Variants in FHOD1 observed in about 807,000 individuals in gnomAD.
FHOD1 encodes formin homology 2 domain containing 1.
FHOD1 carries 89 observed loss-of-function variants against 111.6 expected under a neutral mutation model. The observed-to-expected ratio is 0.80, with a 90% CI of 0.67 to 0.95. The LOEUF (loss-of-function observed/expected upper bound fraction) is 0.95. Among genes scored for constraint, FHOD1 ranks in the 40% least tolerant of loss-of-function variants. The pLI is 0.00. For synonymous variants in FHOD1, 618 were observed against 639.0 expected (o/e 0.97, Z 0.50); for missense variants, 1,446 against 1,554.2 (o/e 0.93, Z 1.17).
Position 67,236,627 on chromosome 16 carries a change from A to AG in FHOD1, c.1248_1249insC (p.Ser417LeufsTer15). The AG allele has an allele frequency of 6.2e-7, 1 of 1,613,466 alleles. No individual in the cohort carries two copies. Among genetic ancestry groups the AG allele is most frequent in the Non-Finnish European group, 8.5e-7 (1 of 1,179,810 alleles). ...GAGATGGTAGGAAAAAGGTTCACTGAAGCTTGGAGACCGGAGGGAGGGCCC... is the reference window on the plus strand; with the variant it reads ...GAGATGGTAGGAAAAAGGTTCACTGAGAGCTTGGAGACCGGAGGGAGGGCCC... On this transcript the variant is annotated frameshift_variant, in exon 11 of 22. Transcript: ENST00000258201. LOFTEE classifies it high-confidence loss of function.
chr16:67,229,733 C>T lies in FHOD1; in HGVS notation c.3413-15G>A, dbSNP rs1186295368. ...CGTCCTTCTCACTGCAGGGACAGAG[C>T]AGGGTTGGAGGGGGTTGATGGGGTT... On this transcript the variant is annotated splice_polypyrimidine_tract_variant and intron_variant, in intron 21 of 21. Transcript: ENST00000258201. 2 of 1,613,966 alleles carry T rather than the reference C, an allele frequency of 1.2e-6. No individual in the cohort carries two copies. Among genetic ancestry groups the T allele is most frequent in the Non-Finnish European group, 1.7e-6 (2 of 1,179,948 alleles).
chr16:67,232,229 G>A (rs2142266920), intron 13 of FHOD1, 35 bp from the exon 14 acceptor site: 1 of 1,611,042 alleles, frequency 6.2e-7, no homozygotes, highest in East Asian at 2.2e-5. Flanking sequence ...GTAAGACTGA[G>A]GAAGGGGGCC....
rs762143114 is a variant in FHOD1 at position 67,237,428 on chromosome 16, T to A, written c.850-46A>T. 1 of 1,613,252 alleles carries A rather than the reference T, an allele frequency of 6.2e-7. No individual in the cohort carries two copies. The highest frequency in any genetic ancestry group is 1.3e-5 in the African/African-American group (1 of 74,802). ...GGCAAGGCTGAGGTTGGTGGGGAGG[T>A]CAGGAGCCTGAGCATCCCAGAGCTG... On this transcript the variant is annotated intron_variant, in intron 8 of 21. Coordinates refer to ENST00000258201, the MANE Select transcript of FHOD1 (RefSeq NM_013241.3). This position sits in a 1 kb window ranked among gnomAD's most constrained non-coding sequence, Gnocchi z 5.6.
intron 1 of FHOD1, among the ~76,000 whole-genome samples, chr16:67,245,652 C>T (rs2034790242): frequency 6.6e-6 from 1 of 151,744 alleles, no homozygotes; most frequent in Middle Eastern, 3.4e-3. Context: ...GGCTGAGGCA[C>T]GAGAATTGCT....
chr16:67,236,707 C>T lies in FHOD1; in HGVS notation c.1169G>A (p.Gly390Asp). Residue 390 changes from glycine (G) to aspartate (D), a missense_variant, in exon 11 of 22, where the codon GGC (glycine) becomes GAC (aspartate). Gly to Asp is a moderately conservative substitution (Grantham distance 94). This residue lies in a region of FHOD1 where 1,085 missense variants were observed against 1,108.8 expected (regional missense o/e 0.98). Coordinates refer to ENST00000258201, the MANE Select transcript of FHOD1 (RefSeq NM_013241.3). ...GGCGGGGCCGGTGGAAGAGGTGGGGCCTACCGGTGAGGCGGGGCCTGTGGG... is the reference window on the plus strand; with the variant it reads ...GGCGGGGCCGGTGGAAGAGGTGGGGTCTACCGGTGAGGCGGGGCCTGTGGG... ...PGPTGPASPV[G>D]PTSSTGPALL... 2 of 1,573,214 alleles carry T rather than the reference C, an allele frequency of 1.3e-6. No individual in the cohort carries two copies. Among genetic ancestry groups the T allele is most frequent in the Non-Finnish European group, 1.7e-6 (2 of 1,159,858 alleles).
Position 67,229,931 on chromosome 16 carries a change from C to A in FHOD1, c.3274G>T (p.Glu1092Ter), listed in dbSNP as rs748893339. The A allele has an allele frequency of 6.2e-7, 1 of 1,614,208 alleles. No individual in the cohort carries two copies. The highest frequency in any genetic ancestry group is 2.2e-5 in the East Asian group (1 of 44,884). The stretch of plus-strand genomic sequence containing the variant: ...GGTAAACTGGAGCCTGGGGGTTCTT[C>A]TGGGGATGCAGTGGAGGGCCCCACT... ...PTVGPSTASP[E>*]EPPGSSLPSD... The change falls in exon 21 of 22, where the codon GAA (glutamate) becomes TAA (stop). Residue 1092 changes from glutamate (E) to a stop codon, truncating the protein, a stop_gained. Coordinates refer to ENST00000258201, the MANE Select transcript of FHOD1 (RefSeq NM_013241.3). LOFTEE classifies it high-confidence loss of function.
intron 11 of FHOD1, among the ~76,000 whole-genome samples, chr16:67,235,712 C>T (rs1161491130): frequency 6.6e-6 from 1 of 152,130 alleles, no homozygotes; most frequent in Admixed American, 6.5e-5. Flanking sequence ...CCACACAGCA[C>T]CCTAGGTCCC....
chr16:67,232,249 G>GGCTCACGCCTGTAATCCCA, intron 13 of FHOD1, 55 bp from the exon 14 acceptor site: 1 of 1,588,052 alleles, frequency 6.3e-7, no homozygotes, highest in South Asian at 1.1e-5. Flanking sequence ...CTGACGCGGT[G>GGCTCACGCCTGTAATCCCA]GCTCACGCCT....
At chr16:67,246,630 C>T (rs1456226858) in intron 1 of FHOD1, among the ~76,000 whole-genome samples, 1 of 152,206 alleles carries the variant, frequency 6.6e-6, no homozygotes, top group African/African-American at 2.4e-5. Context: ...CAGCCTCCTG[C>T]GCTCTGCGGA....
At chr16:67,240,944 C>T (rs929605886) in intron 1 of FHOD1, among the ~76,000 whole-genome samples, 11 of 152,194 alleles carry the variant, frequency 7.2e-5, no homozygotes, top group African/African-American at 2.4e-4. Context: ...TTGGTCAGCC[C>T]TGCCCTCTTC....
In FHOD1 at chr16:67,237,826, T is replaced by C. The variant is rs1346899486; in HGVS notation, c.643-58A>G. On this transcript the variant is annotated intron_variant, in intron 6 of 21. Transcript: ENST00000258201. This position sits in a 1 kb window ranked among gnomAD's most constrained non-coding sequence, Gnocchi z 5.6. ...CTTAGGCCAGACCTGTGCCAGCTGT[T>C]GCTGGGGAAGGGGAAGGGCTGCTGG... 6.6e-7 allele frequency: 1 copy of C among 1,519,212 alleles called. No individual in the cohort carries two copies. Among genetic ancestry groups the C allele is most frequent in the Non-Finnish European group, 9.1e-7 (1 of 1,094,850 alleles). 94.1% of individuals were successfully genotyped at this position (1,519,212 alleles called of 1,614,324 possible).
chr16:67,236,506 G>T, intron 11 of FHOD1, 51 bp downstream of exon 11: 2 of 1,591,498 alleles, frequency 1.3e-6, no homozygotes, highest in South Asian at 1.1e-5. Context: ...GCGCAAAGCG[G>T]AGGGACAATG....
chr16:67,239,508 A>C, intron 1 of FHOD1, 54 bp from the exon 2 acceptor site: 1 of 1,358,040 alleles, frequency 7.4e-7, no homozygotes, highest in Non-Finnish European at 1.1e-6. Context: ...AGGCGAATGT[A>C]TGAAGACCCC....
Position 67,231,412 on chromosome 16 carries a change from C to T in FHOD1, c.2505+18G>A. On this transcript the variant is annotated intron_variant, in intron 16 of 21. Coordinates refer to ENST00000258201, the MANE Select transcript of FHOD1 (RefSeq NM_013241.3). The surrounding 1 kb of genome is among the most constrained non-coding windows in gnomAD (Gnocchi z 4.3). ...CCAGAACCCTGACTCCCCCTAGTCCCCATGTACTCTCACTCACCTGGGAGC... is the reference window on the plus strand; with the variant it reads ...CCAGAACCCTGACTCCCCCTAGTCCTCATGTACTCTCACTCACCTGGGAGC... 1.2e-6 allele frequency: 2 copies of T among 1,613,624 alleles called. No homozygotes were observed. Among genetic ancestry groups the T allele is most frequent in the Non-Finnish European group, 1.7e-6 (2 of 1,179,904 alleles).
intron 21 of FHOD1, 23 bp from the exon 22 acceptor site, chr16:67,229,741 G>A: frequency 6.2e-7 from 1 of 1,614,118 alleles, no homozygotes; most frequent in Non-Finnish European, 8.5e-7. Flanking sequence ...AGCAGGGTTG[G>A]AGGGGGTTGA....
Position 67,238,041 on chromosome 16 carries a change from G to C in FHOD1, c.635C>G (p.Ala212Gly). Reference sequence around the variant, plus strand: ...GAGTGGAGAGCCACTTACCAGGCTGGCACACAATGTGTACAGCCACTGAAT... The same window carrying C: ...GAGTGGAGAGCCACTTACCAGGCTGCCACACAATGTGTACAGCCACTGAAT... ...DTIQWLYTLC[A>G]SLSRLVVKTA... The change falls in exon 6 of 22, where the codon GCC becomes GGC. Residue 212 changes from alanine (A) to glycine (G), a missense_variant. Ala to Gly is a moderately conservative substitution (Grantham distance 60). Coordinates refer to ENST00000258201, the MANE Select transcript of FHOD1 (RefSeq NM_013241.3). This position sits in a 1 kb window ranked among gnomAD's most constrained non-coding sequence, Gnocchi z 4.2. 6.2e-7 allele frequency: 1 copy of C among 1,613,868 alleles called. No individual in the cohort carries two copies. The highest frequency in any genetic ancestry group is 1.7e-4 in the Middle Eastern group (1 of 6,010).
chr16:67,231,670 C>T lies in FHOD1; in HGVS notation c.2352G>A (p.Trp784Ter), dbSNP rs776081875. 1 of 1,614,154 alleles carries T rather than the reference C, an allele frequency of 6.2e-7. No homozygotes were observed. Among genetic ancestry groups the T allele is most frequent in the South Asian group, 1.1e-5 (1 of 91,078 alleles). Reference sequence around the variant, plus strand: ...TGCTGTCATAGTCCAGCTTGAAGGCCCAGAGTTGTAGACGAGCAGCGAGGC... The same window carrying T: ...TGCTGTCATAGTCCAGCTTGAAGGCTCAGAGTTGTAGACGAGCAGCGAGGC... ...IGGLAARLQLWAFKLDYDSME... is the reference protein window; with the variant it reads ...IGGLAARLQL The change falls in exon 15 of 22, where the codon TGG becomes TGA. Residue 784 changes from tryptophan to a stop codon, truncating the protein, a stop_gained. Transcript: ENST00000258201. LOFTEE classifies it high-confidence loss of function. This position sits in a 1 kb window ranked among gnomAD's most constrained non-coding sequence, Gnocchi z 4.3.
chr16:67,230,937 T>C, intron 17 of FHOD1, 146 bp from the exon 18 acceptor site: 2 of 939,978 alleles, frequency 2.1e-6, no homozygotes, highest in Non-Finnish European at 3.1e-6. Flanking sequence ...GAGACACAAG[T>C]CCATCTGATG....
chr16:67,236,282 G>A (rs886086575), intron 11 of FHOD1: 1 of 966,652 alleles, frequency 1.0e-6, no homozygotes, highest in Non-Finnish European at 1.4e-6. Flanking sequence ...GCAGAACAAG[G>A]GAGTGACAGA....
Sources: gnomAD v4.1 joint callset for allele counts (sites outside exome capture counted in the v4.1 genomes callset) on GRCh38, gnomAD v4.1.1 for gene constraint, gnomAD v4.1.1 regional missense constraint, Gnocchi (gnomAD v3.1) non-coding constraint, MANE v1.5 for transcripts, NCBI Gene and HGNC (gene_info 2026-07-23, HGNC 2026-07-21) for gene names.